LNX1: variants seen among roughly 807,000 people sequenced by gnomAD.
LNX1 encodes E3 ubiquitin-protein ligase LNX.
LNX1 carries 54 observed loss-of-function variants against 68.4 expected under a neutral mutation model. That is an observed-to-expected ratio of 0.79 (90% CI 0.63 to 0.99). LNX1 has a LOEUF of 0.99. Among genes scored for constraint, LNX1 ranks in the 50% least tolerant of loss-of-function variants. The probability of loss-of-function intolerance (pLI) is 0.00; values close to 1 mark genes in which losing one functional copy is unlikely to be tolerated. For synonymous variants in LNX1, 336 were observed against 350.0 expected (o/e 0.96, Z 0.45); for missense variants, 906 against 926.4 (o/e 0.98, Z 0.29).
chr4:53,498,328 A>G (rs1725220820), intron 5 of LNX1, among the ~76,000 whole-genome samples: 1 of 152,198 alleles, frequency 6.6e-6, no homozygotes, highest in African/African-American at 2.4e-5. Context: ...GAGGAGGTGG[A>G]GAAAGGGAAT....
chr4:53,462,625 TGTGAC>T (rs1722250332), intron 9 of LNX1, among the ~76,000 whole-genome samples: 2 of 152,152 alleles, frequency 1.3e-5, no homozygotes, highest in Non-Finnish European at 2.9e-5. Context: ...TGTTAGTCAA[TGTGAC>T]GTGACTTTTT....
intron 1 of LNX1, among the ~76,000 whole-genome samples, chr4:53,630,453 A>G (rs1250221554): frequency 6.6e-6 from 1 of 152,140 alleles, no homozygotes; most frequent in Non-Finnish European, 1.5e-5. Context: ...TACTGGATGT[A>G]AGTGTCCTTT....
At chr4:53,562,424 AG>A (rs1410254198) in intron 2 of LNX1, among the ~76,000 whole-genome samples, 1 of 152,262 alleles carries the variant, frequency 6.6e-6, no homozygotes, top group Non-Finnish European at 1.5e-5. Flanking sequence ...TCCAACTGCT[AG>A]CTCCAAACTC....
intron 1 of LNX1, among the ~76,000 whole-genome samples, chr4:53,630,572 AG>A (rs1207848586): frequency 5.9e-5 from 9 of 152,146 alleles, no homozygotes; most frequent in African/African-American, 2.2e-4. Context: ...GGTGTTCCTA[AG>A]TGCAAGAAGG....
intron 2 of LNX1, among the ~76,000 whole-genome samples, chr4:53,530,906 G>C (rs1158128466): frequency 6.6e-6 from 1 of 152,202 alleles, no homozygotes; most frequent in Non-Finnish European, 1.5e-5. Flanking sequence ...ACTCACACCT[G>C]TAATCCCAGC....
chr4:53,606,055 A>G (rs1025982688), intron 2 of LNX1, among the ~76,000 whole-genome samples: 5 of 152,194 alleles, frequency 3.3e-5, no homozygotes, highest in African/African-American at 1.2e-4. Flanking sequence ...AAACAAGAGC[A>G]AACCGACACA....
intron 2 of LNX1, among the ~76,000 whole-genome samples, chr4:53,517,376 A>G (rs142604643): frequency 0.012 from 1,863 of 152,308 alleles, 39 homozygotes; most frequent in African/African-American, 0.043. Flanking sequence ...AAATAAATGC[A>G]TCAGTCAGCG....
chr4:53,557,867 G>A (rs544413908), intron 2 of LNX1: 12 of 1,612,908 alleles, frequency 7.4e-6, no homozygotes, highest in African/African-American at 5.4e-5. Context: ...ACAGAGAGGG[G>A]ACTCACAGTT....
chr4:53,573,646 G>T lies in LNX1; in HGVS notation c.357C>A (p.Asp119Glu). The change falls in exon 2 of 11, where the codon GAC becomes GAA. Residue 119 changes from aspartate to glutamate, a missense_variant. Transcript: ENST00000263925. ...ACCTGGTTTGAAAGTGATGCTCGAG[G>T]TCACAGCGCTGCAACACCTGGGTGC... ...EHCTQVLQRCDLEHHFQTSCK... is the reference protein window; with the variant it reads ...EHCTQVLQRCELEHHFQTSCK... 6.2e-7 allele frequency: 1 copy of T among 1,604,534 alleles called. No individual in the cohort carries two copies. The highest frequency in any genetic ancestry group is 8.5e-7 in the Non-Finnish European group (1 of 1,175,834).
At position 53,478,731 on chromosome 4, in the gene LNX1, A is replaced by G. The variant is rs2109411064; in HGVS notation, c.1497T>C (p.Pro499=). 1 of 1,613,866 alleles carries G rather than the reference A, an allele frequency of 6.2e-7. No homozygotes were observed. The highest frequency in any genetic ancestry group is 1.3e-5 in the African/African-American group (1 of 75,066). ...ERSNTPKPLH[P]TITCHEKVVN... The stretch of plus-strand genomic sequence containing the variant: ...CCACCTTCTCATGACAAGTAATTGT[A>G]GGATGGAGGGGCTGAAGGCACAGAT... Residue 499 remains proline, a synonymous_variant, in exon 8 of 11, where the codon CCT becomes CCC. Coordinates refer to ENST00000263925, the MANE Select transcript of LNX1 (RefSeq NM_001126328.3).
chr4:53,629,152 A>G (rs1341747810), intron 1 of LNX1, among the ~76,000 whole-genome samples: 1 of 152,236 alleles, frequency 6.6e-6, no homozygotes, highest in African/African-American at 2.4e-5. Context: ...CAGACCACAA[A>G]CAAAAAGTCT....
In LNX1 at chr4:53,498,625, C is replaced by T. The variant is rs529508524; in HGVS notation, c.978+16G>A. 9 of 1,607,172 alleles carry T rather than the reference C, an allele frequency of 5.6e-6. No homozygotes were observed. The African/African-American group carries it at 1.1e-4, about 19-fold the overall frequency. On this transcript the variant is annotated intron_variant, in intron 5 of 10. Coordinates refer to ENST00000263925, the MANE Select transcript of LNX1 (RefSeq NM_001126328.3). ...TATCAAGCCCCTTGCTGCAGCCCCACAGCCACAGTCTCTACCTTTAGAATG... is the reference window on the plus strand; with the variant it reads ...TATCAAGCCCCTTGCTGCAGCCCCATAGCCACAGTCTCTACCTTTAGAATG...
chr4:53,486,166 A>G (rs963422873), intron 6 of LNX1, among the ~76,000 whole-genome samples: 1 of 152,166 alleles, frequency 6.6e-6, no homozygotes, highest in African/African-American at 2.4e-5. Context: ...GAGCTGAAGC[A>G]TTAGACTCCC....
intron 2 of LNX1, among the ~76,000 whole-genome samples, chr4:53,560,995 TG>T (rs1431176013): frequency 3.9e-5 from 6 of 152,238 alleles, no homozygotes; most frequent in Admixed American, 6.5e-5. Flanking sequence ...CTGGCTGTCC[TG>T]TTTATCCTTA....
chr4:53,567,869 T>A (rs1730814672), intron 2 of LNX1, among the ~76,000 whole-genome samples: 1 of 151,944 alleles, frequency 6.6e-6, no homozygotes, highest in African/African-American at 2.4e-5. Flanking sequence ...TACAAACACC[T>A]CTATGCAAAT....
At position 53,573,786 on chromosome 4, in the gene LNX1, C is replaced by G. The variant is rs1731316605; in HGVS notation, c.217G>C (p.Asp73His). 1.2e-6 allele frequency: 2 copies of G among 1,612,332 alleles called. No homozygotes were observed. The highest frequency in any genetic ancestry group is 3.3e-5 in the Admixed American group (2 of 59,756). The change falls in exon 2 of 11, where the codon GAC becomes CAC. Residue 73 changes from aspartate (D) to histidine (H), a missense_variant. Asp to His is a moderately conservative substitution (Grantham distance 81). Transcript: ENST00000263925. ...GGCTTGCGGTCCATGGGACAGAAGT[C>G]CTTCTCCACCAGGAAGTTGGTGAGG... Reference protein sequence around the residue: ...LCLTNFLVEKDFCPMDRKPLV... With the variant: ...LCLTNFLVEKHFCPMDRKPLV...
intron 2 of LNX1, chr4:53,603,954 A>G (rs1239775057): frequency 6.6e-6 from 1 of 152,190 alleles, no homozygotes; most frequent in Non-Finnish European, 1.5e-5. Context: ...TGCTATACCA[A>G]TTATTAAATA....
At chr4:53,565,321 C>G (rs959575710) in intron 2 of LNX1, among the ~76,000 whole-genome samples, 1 of 152,096 alleles carries the variant, frequency 6.6e-6, no homozygotes, top group Admixed American at 6.5e-5. Flanking sequence ...AGACTCCCTC[C>G]TCAAGTGGGT....
intron 9 of LNX1, among the ~76,000 whole-genome samples, chr4:53,465,701 C>T (rs1722628010): frequency 6.6e-6 from 1 of 152,164 alleles, no homozygotes. Context: ...TTAAATTGTA[C>T]ATACACTAAA....
Sources: allele counts gnomAD v4.1 joint callset (sites outside exome capture counted in the v4.1 genomes callset), GRCh38; gene constraint gnomAD v4.1.1; transcripts MANE v1.5; gene names NCBI Gene and HGNC (gene_info 2026-07-23, HGNC 2026-07-21).